Variants in DIAPH3 observed in about 807,000 individuals in gnomAD.
DIAPH3 encodes protein diaphanous homolog 3.
In DIAPH3, 117 loss-of-function variants were observed where a neutral mutation model predicts 144.3. That is an observed-to-expected ratio of 0.81 (90% confidence interval 0.70 to 0.95). The LOEUF (loss-of-function observed/expected upper bound fraction) is 0.95, where lower values mean the gene tolerates loss of function less well. Among genes scored for constraint, DIAPH3 ranks in the 40% least tolerant of loss-of-function variants. DIAPH3 has a pLI of 0.00. For missense variants in DIAPH3, 1,421 were observed against 1,412.7 expected, an observed-to-expected ratio of 1.01 and a Z score of -0.09; for synonymous variants, 519 against 488.9, an observed-to-expected ratio of 1.06 and a Z score of -0.81.
chr13:60,108,963 TAG>T (rs751352239), intron 3 of DIAPH3, among the ~76,000 whole-genome samples: 8 of 152,130 alleles, frequency 5.3e-5, no homozygotes, highest in Non-Finnish European at 1.2e-4. Flanking sequence ...CAGCATCTTT[TAG>T]AGAGCTGGAT....
intron 17 of DIAPH3, among the ~76,000 whole-genome samples, chr13:59,937,800 G>A (rs551836884): frequency 6.6e-6 from 1 of 152,242 alleles, no homozygotes; most frequent in East Asian, 1.9e-4. Flanking sequence ...GTTTTGGGAG[G>A]TGGGGAGGCA....
chr13:59,873,181 G>T (rs1566446803), intron 21 of DIAPH3, among the ~76,000 whole-genome samples: 1 of 152,098 alleles, frequency 6.6e-6, no homozygotes, highest in Non-Finnish European at 1.5e-5. Context: ...AATGGCATTT[G>T]TTATTTGCAA....
At chr13:59,931,884 T>C (rs192378083) in intron 17 of DIAPH3, among the ~76,000 whole-genome samples, 1 of 152,232 alleles carries the variant, frequency 6.6e-6, no homozygotes, top group Non-Finnish European at 1.5e-5. Context: ...AAGAGGCAGC[T>C]GGACATACAG....
At chr13:60,082,453 C>T (rs1171851075) in intron 4 of DIAPH3, among the ~76,000 whole-genome samples, 1 of 151,404 alleles carries the variant, frequency 6.6e-6, no homozygotes, top group Non-Finnish European at 1.5e-5. Context: ...ATAATCCTAA[C>T]TCAGATATCC....
chr13:59,971,125 CA>C lies in DIAPH3; in HGVS notation c.1685del (p.Leu562CysfsTer73), dbSNP rs780350509. The C allele has an allele frequency of 6.3e-7, 1 of 1,598,902 alleles. No homozygotes were observed. The highest frequency in any genetic ancestry group is 8.5e-7 in the Non-Finnish European group (1 of 1,172,094). On this transcript the variant is annotated frameshift_variant, in exon 16 of 28. Transcript: ENST00000400324. LOFTEE classifies it high-confidence loss of function. Reference protein sequence around the residue: ...GALPADCNIPLPPSKEGGTGH... With the variant: ...GALPADCNIPXPPSKEGGTGH... ...CAGTTCCACCTTCTTTAGAGGGAGG[CA>C]AAGGAATATTACAATCAGCTGGCAA...
intron 1 of DIAPH3, among the ~76,000 whole-genome samples, chr13:60,139,956 G>C: frequency 6.6e-6 from 1 of 152,152 alleles, no homozygotes. Flanking sequence ...CACTTTACAA[G>C]TAGGTTCAGT....
At position 60,132,915 on chromosome 13, in the gene DIAPH3, A is replaced by C. The variant is rs771807699; in HGVS notation, c.213+42T>G. 3 of 1,528,978 alleles carry C rather than the reference A, an allele frequency of 2.0e-6. No individual in the cohort carries two copies. The African/African-American group carries it at 4.1e-5, about 21-fold the overall frequency. The allele number at this position is 1,528,978 out of a possible 1,614,324, so 94.7% of individuals were successfully genotyped here. Reference sequence around the variant, plus strand: ...AGCACACCATCAACGTTATATGGTTAGTTACAATTCATAACAAAGGAAAAG... The same window carrying C: ...AGCACACCATCAACGTTATATGGTTCGTTACAATTCATAACAAAGGAAAAG... On this transcript the variant is annotated intron_variant, in intron 2 of 27. Coordinates refer to ENST00000400324, the MANE Select transcript of DIAPH3 (RefSeq NM_001042517.2).
Position 59,810,851 on chromosome 13 carries a change from A to G in DIAPH3, c.3100T>C (p.Leu1034=). 6.2e-7 allele frequency: 1 copy of G among 1,613,550 alleles called. No homozygotes were observed. The change falls in exon 25 of 28, where the codon TTA becomes CTA. Residue 1034 remains leucine, a synonymous_variant. Transcript: ENST00000400324. The part of the protein sequence containing the change: ...KEKRVRIAKE[L]AERERLERQQ... ...CGTTCGAGTCTTTCTCGCTCTGCTA[A>G]TTCTTTAGCTATTCTGACACGTTTT...
At chr13:60,136,863 C>T (rs1283464425) in intron 1 of DIAPH3, among the ~76,000 whole-genome samples, 2 of 151,974 alleles carry the variant, frequency 1.3e-5, no homozygotes, top group African/African-American at 4.8e-5. Flanking sequence ...TGGCGTGAAC[C>T]CGGGAGGCGG....
chr13:59,767,281 A>C (rs925230817), intron 27 of DIAPH3, among the ~76,000 whole-genome samples: 1 of 152,234 alleles, frequency 6.6e-6, no homozygotes, highest in Non-Finnish European at 1.5e-5. Flanking sequence ...TGCCCATGAA[A>C]GTTTAGTTCT....
intron 27 of DIAPH3, among the ~76,000 whole-genome samples, chr13:59,724,693 T>C (rs940469918): frequency 1.3e-5 from 2 of 152,246 alleles, no homozygotes; most frequent in African/African-American, 4.8e-5. Flanking sequence ...AAATTGCCGA[T>C]TGCGTCAAAT....
At chr13:60,003,933 A>T (rs1335906703) in intron 9 of DIAPH3, among the ~76,000 whole-genome samples, 2 of 152,136 alleles carry the variant, frequency 1.3e-5, no homozygotes, top group Non-Finnish European at 2.9e-5. Context: ...TACAAAGTTT[A>T]ACATTTTCTT....
intron 25 of DIAPH3, among the ~76,000 whole-genome samples, chr13:59,798,463 T>C (rs1012691919): frequency 3.3e-5 from 5 of 152,212 alleles, no homozygotes; most frequent in Non-Finnish European, 5.9e-5. Context: ...AGTCCATATA[T>C]AAATGTCACA....
chr13:59,890,740 T>A (rs1004557293), intron 20 of DIAPH3, among the ~76,000 whole-genome samples: 5 of 152,010 alleles, frequency 3.3e-5, no homozygotes, highest in African/African-American at 1.2e-4. Context: ...GTTTTTCCAA[T>A]GTTAAATTAC....
intron 5 of DIAPH3, among the ~76,000 whole-genome samples, chr13:60,033,259 C>A (rs1247431952): frequency 6.6e-6 from 1 of 152,322 alleles, no homozygotes; most frequent in East Asian, 1.9e-4. Context: ...CCAAATTCTT[C>A]CAACCTCTGC....
intron 24 of DIAPH3, among the ~76,000 whole-genome samples, chr13:59,817,187 A>G (rs1342311203): frequency 6.6e-6 from 1 of 151,894 alleles, no homozygotes; most frequent in Non-Finnish European, 1.5e-5. Context: ...TTCTTTAATT[A>G]TCGAGTTTGA....
intron 17 of DIAPH3, among the ~76,000 whole-genome samples, chr13:59,958,175 T>A (rs1359101271): frequency 6.6e-6 from 1 of 152,214 alleles, no homozygotes; most frequent in Non-Finnish European, 1.5e-5. Flanking sequence ...TATACTGTAT[T>A]TTTAATTATC....
At position 59,960,783 on chromosome 13, in the gene DIAPH3, A is replaced by G. The variant is rs552106108; in HGVS notation, c.2074+9161T>C. ...ATCACAACAAGAAAAGCAGTTTAGAATCTCAGCTTTCAAATCTCAAAATTA... is the reference window on the plus strand; with the variant it reads ...ATCACAACAAGAAAAGCAGTTTAGAGTCTCAGCTTTCAAATCTCAAAATTA... On this transcript the variant is annotated intron_variant, in intron 17 of 27. Coordinates refer to ENST00000400324, the MANE Select transcript of DIAPH3 (RefSeq NM_001042517.2). 1.6e-4 allele frequency among the ~76,000 whole-genome samples: 25 copies of G among 152,298 alleles called. 1 individual carries two copies. Among genetic ancestry groups the G allele is most frequent in the Middle Eastern group, 3.4e-3 (1 of 294 alleles).
At chr13:60,047,258 A>G (rs1188716376) in intron 4 of DIAPH3, among the ~76,000 whole-genome samples, 6 of 152,174 alleles carry the variant, frequency 3.9e-5, no homozygotes, top group Admixed American at 2.0e-4. Context: ...AAATCCATTA[A>G]GTACATTTTC....
Sources: allele counts gnomAD v4.1 joint callset (sites outside exome capture counted in the v4.1 genomes callset), GRCh38; gene constraint gnomAD v4.1.1; transcripts MANE v1.5; gene names NCBI Gene and HGNC (gene_info 2026-07-23, HGNC 2026-07-21).